CCSER1: variants seen among roughly 807,000 people sequenced by gnomAD.
The protein encoded by CCSER1 is serine-rich coiled-coil domain-containing protein 1.
CCSER1 carries 41 observed loss-of-function variants against 82.0 expected under a neutral mutation model. The observed-to-expected ratio is 0.50, with a 90% CI of 0.39 to 0.65. The LOEUF (loss-of-function observed/expected upper bound fraction) is 0.65. Ranked by LOEUF, CCSER1 falls within the 30% of genes least tolerant of loss-of-function variation. The pLI is 0.00. For synonymous variants in CCSER1, 414 were observed against 383.9 expected (o/e 1.08, Z -0.92); for missense variants, 1,119 against 1,064.2 (o/e 1.05, Z -0.72).
intron 3 of CCSER1, among the ~76,000 whole-genome samples, chr4:90,337,240 G>A (rs1211296657): frequency 6.6e-6 from 1 of 152,202 alleles, no homozygotes; most frequent in Non-Finnish European, 1.5e-5. Flanking sequence ...AGACTGAGAT[G>A]AGTCTTCATA....
chr4:91,183,983 G>C (rs1203042205), intron 10 of CCSER1, among the ~76,000 whole-genome samples: 1 of 152,156 alleles, frequency 6.6e-6, no homozygotes, highest in South Asian at 2.1e-4. Context: ...CCCTACGTAT[G>C]GTTACTTTCT....
intron 9 of CCSER1, among the ~76,000 whole-genome samples, chr4:91,010,151 TA>T (rs1327041089): frequency 6.6e-6 from 1 of 152,230 alleles, no homozygotes; most frequent in Non-Finnish European, 1.5e-5. Context: ...TTCTTAAGGA[TA>T]GCTTTGCTGG....
intron 3 of CCSER1, among the ~76,000 whole-genome samples, chr4:90,382,271 A>T (rs1286008587): frequency 1.3e-5 from 2 of 152,034 alleles, no homozygotes; most frequent in Non-Finnish European, 2.9e-5. Context: ...TCTGCATTTT[A>T]GATGAAATGA....
At chr4:90,896,628 A>G (rs1723759446) in intron 8 of CCSER1, among the ~76,000 whole-genome samples, 1 of 151,934 alleles carries the variant, frequency 6.6e-6, no homozygotes, top group Non-Finnish European at 1.5e-5. Flanking sequence ...ATAACATAGT[A>G]TGTTTACTAA....
intron 4 of CCSER1, among the ~76,000 whole-genome samples, chr4:90,429,882 A>G (rs1758035246): frequency 6.6e-6 from 1 of 151,846 alleles, no homozygotes; most frequent in African/African-American, 2.4e-5. Flanking sequence ...GGTAGTAGAG[A>G]TTGGGATAAA....
At chr4:90,390,368 A>G (rs1047807547) in intron 3 of CCSER1, among the ~76,000 whole-genome samples, 5 of 152,206 alleles carry the variant, frequency 3.3e-5, no homozygotes, top group African/African-American at 1.2e-4. Context: ...GGTCTGAGGT[A>G]CAATAGATCC....
At chr4:91,388,439 G>T (rs1751441386) in intron 10 of CCSER1, among the ~76,000 whole-genome samples, 1 of 152,006 alleles carries the variant, frequency 6.6e-6, no homozygotes, top group Non-Finnish European at 1.5e-5. Context: ...ACAATTGCTG[G>T]AACATAGGGA....
intron 1 of CCSER1, among the ~76,000 whole-genome samples, chr4:90,216,158 C>T (rs1309221171): frequency 6.6e-6 from 1 of 152,164 alleles, no homozygotes; most frequent in Non-Finnish European, 1.5e-5. Flanking sequence ...TCTGCATCAC[C>T]TGGAAGCTTG....
At chr4:90,595,738 T>G (rs1425806819) in intron 5 of CCSER1, among the ~76,000 whole-genome samples, 1 of 151,932 alleles carries the variant, frequency 6.6e-6, no homozygotes, top group African/African-American at 2.4e-5. Flanking sequence ...TTCTTTGTAC[T>G]CCTCAACCAG....
intron 9 of CCSER1, among the ~76,000 whole-genome samples, chr4:91,059,986 C>T (rs1303876815): frequency 1.3e-5 from 2 of 152,006 alleles, no homozygotes; most frequent in African/African-American, 2.4e-5. Context: ...GATCAATTCT[C>T]TTGTCATAGG....
chr4:91,039,934 T>C lies in CCSER1; in HGVS notation c.2173-46016T>C, dbSNP rs562435807. 2.0e-5 allele frequency among the ~76,000 whole-genome samples: 3 copies of C among 152,248 alleles called. No homozygotes were observed. In the South Asian group the frequency reaches 6.2e-4, roughly 32 times the overall value. On this transcript the variant is annotated intron_variant, in intron 9 of 10. Coordinates refer to ENST00000509176, the MANE Select transcript of CCSER1 (RefSeq NM_001145065.2). ...ATTTAGTCACCTCTGTTTGTTGTCA[T>C]GTGTAGAAAGGCCTGCTTTACTCCC...
chr4:91,484,396 A>G (rs1192339351), intron 10 of CCSER1, among the ~76,000 whole-genome samples: 5 of 152,180 alleles, frequency 3.3e-5, no homozygotes, highest in Non-Finnish European at 5.9e-5. Context: ...TCACTACTGC[A>G]TAGACAAATG....
rs977201819 is a variant in CCSER1, at chr4:91,191,267, A to G, written c.2217+105273A>G. On this transcript the variant is annotated intron_variant, in intron 10 of 10. Transcript: ENST00000509176. The stretch of plus-strand genomic sequence containing the variant: ...GGCCCAGTGTCATTAACTATCTGCT[A>G]TTTCTGTTGTATCTTCAATTTCTCC... Among the ~76,000 whole-genome samples, 9 of 152,082 alleles carry G rather than the reference A, an allele frequency of 5.9e-5. No homozygotes were observed. In the South Asian group the frequency reaches 1.9e-3, roughly 32 times the overall value.
intron 9 of CCSER1, among the ~76,000 whole-genome samples, chr4:91,042,683 G>A (rs1561495306): frequency 6.6e-6 from 1 of 152,070 alleles, no homozygotes; most frequent in Non-Finnish European, 1.5e-5. Flanking sequence ...CAAGAAACAG[G>A]ATTCTCAGGA....
intron 10 of CCSER1, among the ~76,000 whole-genome samples, chr4:91,233,546 A>C (rs995487626): frequency 1.3e-5 from 2 of 151,886 alleles, no homozygotes; most frequent in Admixed American, 1.3e-4. Flanking sequence ...AACAAGATAA[A>C]CCATTAAATT....
chr4:90,650,357 G>C (rs573800304), intron 6 of CCSER1, among the ~76,000 whole-genome samples: 1 of 152,260 alleles, frequency 6.6e-6, no homozygotes, highest in South Asian at 2.1e-4. Flanking sequence ...AAGAAAGCTT[G>C]TGGGATTCAA....
chr4:90,357,999 C>G (rs1469512321), intron 3 of CCSER1, among the ~76,000 whole-genome samples: 1 of 151,778 alleles, frequency 6.6e-6, no homozygotes, highest in African/African-American at 2.4e-5. Context: ...TCCATAAAGT[C>G]CCTAAAAAAA....
intron 1 of CCSER1, among the ~76,000 whole-genome samples, chr4:90,146,570 G>T (rs1202756826): frequency 6.6e-6 from 1 of 151,872 alleles, no homozygotes; most frequent in East Asian, 1.9e-4. Flanking sequence ...ATAAAATACG[G>T]CTGTGAACTT....
chr4:90,500,015 T>C (rs1769615929), intron 5 of CCSER1, among the ~76,000 whole-genome samples: 1 of 152,216 alleles, frequency 6.6e-6, no homozygotes, highest in South Asian at 2.1e-4. Context: ...TTAAAAGTAC[T>C]GCATCTAATG....
Sources: allele counts gnomAD v4.1 joint callset (sites outside exome capture counted in the v4.1 genomes callset), GRCh38; gene constraint gnomAD v4.1.1; transcripts MANE v1.5; gene names NCBI Gene and HGNC (gene_info 2026-07-23, HGNC 2026-07-21).